PLXDC2: variants seen among roughly 807,000 people sequenced by gnomAD.
The protein encoded by PLXDC2 is plexin domain-containing protein 2.
A neutral mutation model predicts 68.9 loss-of-function variants in PLXDC2; 40 were observed. The observed-to-expected ratio is 0.58, with a 90% CI of 0.45 to 0.76. PLXDC2 has a LOEUF of 0.76. Ranked by LOEUF, PLXDC2 falls within the 30% of genes least tolerant of loss-of-function variation. The probability of loss-of-function intolerance (pLI) is 0.00; values close to 1 mark genes in which losing one functional copy is unlikely to be tolerated. For synonymous variants in PLXDC2, 243 were observed against 234.2 expected (o/e 1.04, Z -0.34); for missense variants, 644 against 661.9 (o/e 0.97, Z 0.30).
chr10:20,172,381 A>C (rs1834459908), intron 7 of PLXDC2, among the ~76,000 whole-genome samples: 1 of 152,132 alleles, frequency 6.6e-6, no homozygotes, highest in African/African-American at 2.4e-5. Context: ...TGGAACCGTG[A>C]TATTGTCACA....
At chr10:20,002,105 T>A in intron 2 of PLXDC2, 119 bp downstream of exon 2, 2 of 987,510 alleles carry the variant, frequency 2.0e-6, no homozygotes, top group South Asian at 1.7e-5. Flanking sequence ...GGATTTCTTT[T>A]AAAGAACAAT....
intron 13 of PLXDC2, among the ~76,000 whole-genome samples, chr10:20,265,991 C>T (rs1472758121): frequency 1.3e-5 from 2 of 152,158 alleles, no homozygotes; most frequent in East Asian, 1.9e-4. Flanking sequence ...AAGAAGTTGC[C>T]TCCCTGTAAG....
chr10:20,072,405 A>G (rs1836335175), intron 4 of PLXDC2, among the ~76,000 whole-genome samples: 1 of 138,502 alleles, frequency 7.2e-6, no homozygotes, highest in South Asian at 2.4e-4. Context: ...AGAAAGAAGA[A>G]AGAAAGAGGA....
intron 1 of PLXDC2, among the ~76,000 whole-genome samples, chr10:19,936,984 T>C (rs1239141070): frequency 6.6e-6 from 1 of 152,194 alleles, no homozygotes; most frequent in Non-Finnish European, 1.5e-5. Flanking sequence ...CTCAGCACTT[T>C]TTATCTTTTC....
intron 4 of PLXDC2, among the ~76,000 whole-genome samples, chr10:20,098,830 T>C (rs1833385627): frequency 1.3e-5 from 2 of 152,144 alleles, no homozygotes; most frequent in Non-Finnish European, 2.9e-5. Flanking sequence ...GTTAGTCCTC[T>C]GAAGGGAGCA....
At chr10:20,196,623 T>C (rs916826274) in intron 9 of PLXDC2, among the ~76,000 whole-genome samples, 2 of 152,188 alleles carry the variant, frequency 1.3e-5, no homozygotes, top group African/African-American at 2.4e-5. Flanking sequence ...CAGAGAGAGA[T>C]ACCAGCCCCA....
intron 1 of PLXDC2, among the ~76,000 whole-genome samples, chr10:19,853,061 C>A (rs1837150726): frequency 6.6e-6 from 1 of 152,152 alleles, no homozygotes; most frequent in South Asian, 2.1e-4. Context: ...CTTTGAGATT[C>A]ATTCTTTCAG....
chr10:20,164,452 C>G lies in PLXDC2; in HGVS notation c.784-16C>G, dbSNP rs1174671565. 1 of 1,586,210 alleles carries G rather than the reference C, an allele frequency of 6.3e-7. No homozygotes were observed. Among genetic ancestry groups the G allele is most frequent in the Admixed American group, 1.7e-5 (1 of 59,886 alleles). On this transcript the variant is annotated splice_polypyrimidine_tract_variant and intron_variant, in intron 6 of 13. Transcript: ENST00000377252. ...TTCAGATCTAACATATAGTTACCTG[C>G]TTTGTTTTTTTCCAGATTCCTGTCT...
chr10:19,884,305 G>T (rs1305406643), intron 1 of PLXDC2, among the ~76,000 whole-genome samples: 1 of 152,042 alleles, frequency 6.6e-6, no homozygotes. Flanking sequence ...TTAAAAAATT[G>T]CCCAAGAACT....
At chr10:20,272,897 A>G (rs1835957284) in intron 13 of PLXDC2, among the ~76,000 whole-genome samples, 1 of 152,232 alleles carries the variant, frequency 6.6e-6, no homozygotes, top group Non-Finnish European at 1.5e-5. Context: ...AAGTTAATTC[A>G]GAGAACTCCC....
At chr10:19,857,011 A>G (rs1837226797) in intron 1 of PLXDC2, among the ~76,000 whole-genome samples, 1 of 152,192 alleles carries the variant, frequency 6.6e-6, no homozygotes, top group South Asian at 2.1e-4. Context: ...AAATAATAAT[A>G]GTCATAATTT....
chr10:20,153,718 G>A (rs766259251), intron 6 of PLXDC2, among the ~76,000 whole-genome samples: 15 of 151,996 alleles, frequency 9.9e-5, no homozygotes, highest in Non-Finnish European at 1.9e-4. Flanking sequence ...TGTCATTTAC[G>A]GAAAAGGAAC....
intron 1 of PLXDC2, among the ~76,000 whole-genome samples, chr10:19,821,049 C>T (rs1309386928): frequency 6.6e-6 from 1 of 152,184 alleles, no homozygotes; most frequent in Non-Finnish European, 1.5e-5. Flanking sequence ...CATTGCACTC[C>T]AGCCTGGATG....
intron 13 of PLXDC2, among the ~76,000 whole-genome samples, chr10:20,263,427 C>G (rs1179870311): frequency 6.6e-6 from 1 of 152,062 alleles, no homozygotes; most frequent in African/African-American, 2.4e-5. Flanking sequence ...CTAGGAAATA[C>G]CATCCTGACA....
At chr10:19,949,449 G>A (rs937726918) in intron 1 of PLXDC2, among the ~76,000 whole-genome samples, 1 of 152,114 alleles carries the variant, frequency 6.6e-6, no homozygotes, top group Admixed American at 6.5e-5. Flanking sequence ...GAGGCTGGAT[G>A]CAGTGAAAAA....
chr10:20,230,936 T>TATAGACTACAC (rs1454350199), intron 12 of PLXDC2, among the ~76,000 whole-genome samples: 6 of 151,338 alleles, frequency 4.0e-5, no homozygotes, highest in African/African-American at 1.4e-4. Flanking sequence ...ATTGTGGTCT[T>TATAGACTACAC]ATAGACTACA....
At position 20,082,054 on chromosome 10, in the gene PLXDC2, A is replaced by C. The variant is rs1269257324; in HGVS notation, c.541+13815A>C. Among the ~76,000 whole-genome samples the C allele has an allele frequency of 3.9e-4, 56 of 142,038 alleles. 3 individuals carry two copies. The highest frequency in any genetic ancestry group is 4.6e-4 in the South Asian group (2 of 4,358). The allele number at this position is 142,038 out of a possible 152,430, so 93.2% of individuals were successfully genotyped here. A position where few individuals can be genotyped will look rare whatever the true frequency, so the allele number is the denominator to read the frequency against. On this transcript the variant is annotated intron_variant, in intron 4 of 13. Coordinates refer to ENST00000377252, the MANE Select transcript of PLXDC2 (RefSeq NM_032812.9). The stretch of plus-strand genomic sequence containing the variant: ...GAGTGAAACTCCATCTGAAAAAAAA[A>C]AAAAAAAATCAAAAAAAAAAAACAG...
chr10:20,245,412 C>A lies in PLXDC2; in HGVS notation c.1380C>A (p.Ile460=), dbSNP rs138019468. The change falls in exon 13 of 14, where the codon ATC becomes ATA. Residue 460 remains isoleucine, a synonymous_variant. Transcript: ENST00000377252. ...TCCACGCTGGCCTCATCATTGGAATCCTCATCCTGGTCCTCATTGTAGCCA... is the reference window on the plus strand; with the variant it reads ...TCCACGCTGGCCTCATCATTGGAATACTCATCCTGGTCCTCATTGTAGCCA... ...GTLHAGLIIG[I]LILVLIVATA... 1.2e-5 allele frequency: 20 copies of A among 1,613,872 alleles called. No homozygotes were observed. The highest frequency in any genetic ancestry group is 2.7e-5 in the African/African-American group (2 of 74,914).
rs147422158 is a variant in PLXDC2 at position 20,258,897 on chromosome 10, A to G, written c.1473+13392A>G. On this transcript the variant is annotated intron_variant, in intron 13 of 13. Coordinates refer to ENST00000377252, the MANE Select transcript of PLXDC2 (RefSeq NM_032812.9). ...GTGGCAGGCGCTTGTAGTCCCAGCT[A>G]CTCAGGAGGCTGAGGCAGGAGAATG... Among the ~76,000 whole-genome samples the G allele has an allele frequency of 5.5e-3, 837 of 151,866 alleles. 13 individuals carry two copies. Among genetic ancestry groups the G allele is most frequent in the African/African-American group, 0.017 (706 of 41,392 alleles).
Sources: gnomAD v4.1 joint callset for allele counts (sites outside exome capture counted in the v4.1 genomes callset) on GRCh38, gnomAD v4.1.1 for gene constraint, MANE v1.5 for transcripts, NCBI Gene and HGNC (gene_info 2026-07-23, HGNC 2026-07-21) for gene names.